MBTD1: variants seen among roughly 807,000 people sequenced by gnomAD.
The protein encoded by MBTD1 is MBT domain-containing protein 1.
MBTD1 carries 24 observed loss-of-function variants against 87.8 expected under a neutral mutation model. The ratio of observed to expected loss-of-function variants is 0.27; its 90% CI spans 0.20 to 0.38. The LOEUF is 0.38. MBTD1 is among the 10% of genes least tolerant of loss of function. MBTD1 has a pLI of 1.00. For missense variants in MBTD1, 436 were observed against 760.2 expected, an observed-to-expected ratio of 0.57 and a Z score of 5.02; for synonymous variants, 237 against 248.6, an observed-to-expected ratio of 0.95 and a Z score of 0.44.
intron 13 of MBTD1, among the ~76,000 whole-genome samples, chr17:51,193,778 C>T (rs1032572018): frequency 6.6e-6 from 1 of 152,158 alleles, no homozygotes; most frequent in African/African-American, 2.4e-5. Flanking sequence ...GCCACTGTGA[C>T]AGGCTAATTT....
At chr17:51,228,346 T>C (rs1395234197) in intron 2 of MBTD1, among the ~76,000 whole-genome samples, 2 of 152,074 alleles carry the variant, frequency 1.3e-5, no homozygotes, top group East Asian at 3.9e-4. Context: ...TTTACCCACG[T>C]AGCAAACCTG....
chr17:51,229,435 T>C (rs550791751), intron 2 of MBTD1, among the ~76,000 whole-genome samples: 1 of 152,202 alleles, frequency 6.6e-6, no homozygotes, highest in East Asian at 1.9e-4. Flanking sequence ...AAATCTGTTG[T>C]CCTAAGTTTG....
rs570707118 is a variant in MBTD1, at chr17:51,194,339, G to C, written c.1373-829C>G. On this transcript the variant is annotated intron_variant, in intron 13 of 16. Transcript: ENST00000586178. Reference sequence around the variant, plus strand: ...AATCCCAGCATGCTGGGAGGCCAAGGTGGGTGGATCACTTGAGGCCAGGAG... The same window carrying C: ...AATCCCAGCATGCTGGGAGGCCAAGCTGGGTGGATCACTTGAGGCCAGGAG... Among the ~76,000 whole-genome samples the C allele has an allele frequency of 9.2e-5, 14 of 152,220 alleles. No individual in the cohort carries two copies. The South Asian group carries it at 2.9e-3, about 32-fold the overall frequency.
chr17:51,246,156 T>A (rs773811769), intron 2 of MBTD1, among the ~76,000 whole-genome samples: 2 of 152,242 alleles, frequency 1.3e-5, no homozygotes, highest in Non-Finnish European at 2.9e-5. Flanking sequence ...AATATGTGCA[T>A]ACGCATAATT....
chr17:51,179,296 A>C lies in MBTD1; in HGVS notation c.*1280T>G, dbSNP rs983827261. On this transcript the variant is annotated 3_prime_UTR_variant, in exon 17 of 17. Coordinates refer to ENST00000586178, the MANE Select transcript of MBTD1 (RefSeq NM_017643.3). ...TATGAACCTCACTGGTAAACGCTAG[A>C]GCGCTCTCATTCAGTCACAACTCAG... 1.3e-5 allele frequency: 2 copies of C among 151,184 alleles called. No homozygotes were observed. Among genetic ancestry groups the C allele is most frequent in the African/African-American group, 4.9e-5 (2 of 41,206 alleles). The allele number at this position is 151,184 out of a possible 1,614,324, so 9.4% of individuals were successfully genotyped here.
intron 2 of MBTD1, among the ~76,000 whole-genome samples, chr17:51,239,962 T>A (rs995735513): frequency 6.6e-6 from 1 of 152,206 alleles, no homozygotes; most frequent in African/African-American, 2.4e-5. Flanking sequence ...CTTTACAAGA[T>A]CTTCTTTTCT....
chr17:51,179,492 A>ATATATATTTT lies in MBTD1; in HGVS notation c.*1083_*1084insAAAATATATA, dbSNP rs1279204521. ...TACAATTAAAGACAATTTTATATAT[A>ATATATATTTT]TATATATATATATATATATATATAT... On this transcript the variant is annotated 3_prime_UTR_variant, in exon 17 of 17. Coordinates refer to ENST00000586178, the MANE Select transcript of MBTD1 (RefSeq NM_017643.3). The ATATATATTTT allele has an allele frequency of 6.8e-4, 21 of 30,966 alleles. 2 individuals carry two copies. Among genetic ancestry groups the ATATATATTTT allele is most frequent in the East Asian group, 3.4e-3 (3 of 888 alleles). 1.9% of individuals were successfully genotyped at this position (30,966 alleles called of 1,614,324 possible).
chr17:51,227,009 G>A (rs534754761), intron 2 of MBTD1, among the ~76,000 whole-genome samples: 22 of 152,000 alleles, frequency 1.4e-4, no homozygotes, highest in African/African-American at 3.6e-4. Flanking sequence ...TCGGGAGGCC[G>A]AGGCAGGCGG....
Position 51,259,952 on chromosome 17 carries a change from T to C in MBTD1, c.-230A>G. The C allele has an allele frequency of 1.7e-6, 2 of 1,144,700 alleles. No individual in the cohort carries two copies. Among genetic ancestry groups the C allele is most frequent in the Non-Finnish European group, 2.2e-6 (2 of 908,482 alleles). 70.9% of individuals were successfully genotyped at this position (1,144,700 alleles called of 1,614,324 possible). On this transcript the variant is annotated 5_prime_UTR_variant, in exon 1 of 17. Transcript: ENST00000586178. ...TGCCTCTCCCCGGGACTGCGGCGAC[T>C]ACAGGGGGCCCCCGGCTGGGCCCAG...
In MBTD1 at chr17:51,207,017, A is replaced by G. The variant is rs2051883075; in HGVS notation, c.487-12T>C. ...GTCCCCATAGGTGCCTGTCACATAA[A>G]AATCATTAAATTATTGTCTTATTAA... On this transcript the variant is annotated splice_polypyrimidine_tract_variant and intron_variant, in intron 6 of 16. Coordinates refer to ENST00000586178, the MANE Select transcript of MBTD1 (RefSeq NM_017643.3). 2.1e-6 allele frequency: 3 copies of G among 1,412,686 alleles called. No individual in the cohort carries two copies. The highest frequency in any genetic ancestry group is 3.4e-5 in the Admixed American group (2 of 58,830). 87.5% of individuals were successfully genotyped at this position (1,412,686 alleles called of 1,614,324 possible). A position where few individuals can be genotyped will look rare whatever the true frequency, so the allele number is the denominator to read the frequency against.
At chr17:51,235,989 A>C (rs1174278816) in intron 2 of MBTD1, among the ~76,000 whole-genome samples, 1 of 151,640 alleles carries the variant, frequency 6.6e-6, no homozygotes, top group Non-Finnish European at 1.5e-5. Context: ...CCATAAATAG[A>C]CCTCTATCTA....
At chr17:51,246,152 TGCATAC>T (rs1339657681) in intron 2 of MBTD1, among the ~76,000 whole-genome samples, 1 of 152,244 alleles carries the variant, frequency 6.6e-6, no homozygotes, top group Non-Finnish European at 1.5e-5. Context: ...TTGGAATATG[TGCATAC>T]GCATAATTAG....
intron 2 of MBTD1, among the ~76,000 whole-genome samples, chr17:51,229,737 T>C (rs1422091200): frequency 6.6e-6 from 1 of 150,986 alleles, no homozygotes; most frequent in Admixed American, 6.6e-5. Context: ...CTTGGCTCAC[T>C]GCAAGCTCCG....
intron 3 of MBTD1, 83 bp from the exon 4 acceptor site, chr17:51,220,546 C>T (rs2052824660): frequency 2.3e-6 from 3 of 1,295,038 alleles, no homozygotes; most frequent in South Asian, 3.1e-5. Flanking sequence ...ATTTCTCCTG[C>T]CATCTGAAAG....
At chr17:51,250,484 T>TA (rs2054714382) in intron 2 of MBTD1, 1 of 152,368 alleles carries the variant, frequency 6.6e-6, no homozygotes, top group African/African-American at 2.4e-5. Flanking sequence ...TCTGCAGCCC[T>TA]AATACCTGGA....
At chr17:51,215,691 A>T (rs1199654976) in intron 6 of MBTD1, among the ~76,000 whole-genome samples, 1 of 152,242 alleles carries the variant, frequency 6.6e-6, no homozygotes, top group Non-Finnish European at 1.5e-5. Flanking sequence ...TATTATCAAC[A>T]TTACAGCAAA....
intron 7 of MBTD1, among the ~76,000 whole-genome samples, chr17:51,204,333 T>A (rs952006808): frequency 1.3e-5 from 2 of 152,020 alleles, no homozygotes; most frequent in African/African-American, 4.8e-5. Flanking sequence ...CTTGCCTTAC[T>A]ACAACCTTGG....
At chr17:51,244,289 TATTC>T (rs2054309890) in intron 2 of MBTD1, among the ~76,000 whole-genome samples, 1 of 152,252 alleles carries the variant, frequency 6.6e-6, no homozygotes, top group African/African-American at 2.4e-5. Flanking sequence ...CATACCTACC[TATTC>T]ATTATCAGTA....
intron 6 of MBTD1, among the ~76,000 whole-genome samples, chr17:51,209,757 A>G (rs1419957620): frequency 1.3e-5 from 2 of 152,220 alleles, no homozygotes; most frequent in African/African-American, 2.4e-5. Context: ...GAGGTTGCAT[A>G]TAGGTAACCA....
Sources: gnomAD v4.1 joint callset for allele counts (sites outside exome capture counted in the v4.1 genomes callset) on GRCh38, gnomAD v4.1.1 for gene constraint, MANE v1.5 for transcripts, NCBI Gene and HGNC (gene_info 2026-07-23, HGNC 2026-07-21) for gene names.